The following BTG4 variants were observed in gnomAD, a reference collection of about 807,000 sequenced individuals.
BTG4 encodes the protein protein BTG4.
BTG4 carries 10 observed loss-of-function variants against 19.3 expected under a neutral mutation model. That is an observed-to-expected ratio of 0.52 (90% CI 0.32 to 0.88). The LOEUF (loss-of-function observed/expected upper bound fraction) is 0.88, where lower values mean the gene tolerates loss of function less well. Among genes scored for constraint, BTG4 ranks in the 40% least tolerant of loss-of-function variants. The probability of loss-of-function intolerance (pLI) is 0.04; values close to 1 mark genes in which losing one functional copy is unlikely to be tolerated. For synonymous variants in BTG4, 91 were observed against 95.7 expected, an observed-to-expected ratio of 0.95 and a Z score of 0.29; for missense variants, 238 against 281.9, an observed-to-expected ratio of 0.84 and a Z score of 1.11.
At chr11:111,499,619 A>G (rs1291770455) in intron 1 of BTG4, among the ~76,000 whole-genome samples, 2 of 152,222 alleles carry the variant, frequency 1.3e-5, no homozygotes, top group East Asian at 1.9e-4. Context: ...GTACATTCCA[A>G]TGATGTCATC....
chr11:111,437,007 GC>G, the BTG4 span, among the ~76,000 whole-genome samples: 2 of 152,198 alleles, frequency 1.3e-5, no homozygotes. Context: ...CAGGTGAACA[GC>G]CCTGTCTGCG....
At chr11:111,500,784 A>C (rs961648173) in intron 1 of BTG4, among the ~76,000 whole-genome samples, 1 of 152,008 alleles carries the variant, frequency 6.6e-6, no homozygotes, top group Admixed American at 6.6e-5. Context: ...TCCAGAACAC[A>C]ACCTCAGGTG....
chr11:111,386,617 C>A, the BTG4 span, among the ~76,000 whole-genome samples: 1 of 152,180 alleles, frequency 6.6e-6, no homozygotes, highest in South Asian at 2.1e-4. Flanking sequence ...CCTTGGAAGA[C>A]AGTTCATAGC....
intron 4 of BTG4, 69 bp from the exon 5 acceptor site, chr11:111,495,383 A>G: frequency 3.0e-6 from 4 of 1,345,736 alleles, no homozygotes; most frequent in Non-Finnish European, 4.2e-6. Flanking sequence ...CCATAATTCA[A>G]AAGTCAGGCA....
At chr11:111,479,331 CG>C (rs1179545800) in intron 5 of BTG4, among the ~76,000 whole-genome samples, 1 of 151,906 alleles carries the variant, frequency 6.6e-6, no homozygotes, top group Non-Finnish European at 1.5e-5. Context: ...AAGAATAAGC[CG>C]GGTGCAGTGA....
At chr11:111,386,150 T>C in the BTG4 span, 2 of 152,242 alleles carry the variant, frequency 1.3e-5, no homozygotes, top group African/African-American at 4.8e-5. Context: ...AAAGAACAAG[T>C]TGTCCTATTG....
chr11:111,460,568 A>G, the BTG4 span, among the ~76,000 whole-genome samples: 1 of 152,064 alleles, frequency 6.6e-6, no homozygotes, highest in African/African-American at 2.4e-5. Context: ...AGGGGAGGGC[A>G]TCTCAACACA....
At chr11:111,404,725 A>G in the BTG4 span, 3 of 454,396 alleles carry the variant, frequency 6.6e-6, no homozygotes, top group South Asian at 1.6e-5. Context: ...TTGTTTCCCT[A>G]GGAAGAAAGG....
At chr11:111,411,604 C>T in the BTG4 span, among the ~76,000 whole-genome samples, 1 of 152,292 alleles carries the variant, frequency 6.6e-6, no homozygotes, top group Non-Finnish European at 1.5e-5. Flanking sequence ...GTAATGTGCA[C>T]ACAAATCAAC....
chr11:111,410,919 C>T, the BTG4 span, among the ~76,000 whole-genome samples: 1 of 152,196 alleles, frequency 6.6e-6, no homozygotes, highest in Admixed American at 6.5e-5. Context: ...CTGCACCCAG[C>T]CTGTCAGAAA....
At chr11:111,458,068 G>A in the BTG4 span, 8 of 152,868 alleles carry the variant, frequency 5.2e-5, no homozygotes, top group East Asian at 1.4e-3. Context: ...CGTGCCAGGA[G>A]AGTCCAGAGT....
chr11:111,426,061 G>T, the BTG4 span, among the ~76,000 whole-genome samples: 12 of 152,186 alleles, frequency 7.9e-5, no homozygotes, highest in African/African-American at 2.6e-4. Flanking sequence ...AAACTGACCT[G>T]GGCTCTAGTG....
At chr11:111,431,031 C>G in the BTG4 span, among the ~76,000 whole-genome samples, 1 of 152,090 alleles carries the variant, frequency 6.6e-6, no homozygotes, top group Non-Finnish European at 1.5e-5. Flanking sequence ...ATTTTGTTCT[C>G]TTCTATGCCC....
chr11:111,497,237 C>G lies in BTG4; in HGVS notation c.484G>C (p.Val162Leu). 6.2e-7 allele frequency: 1 copy of G among 1,613,320 alleles called. No homozygotes were observed. The highest frequency in any genetic ancestry group is 8.5e-7 in the Non-Finnish European group (1 of 1,179,662). ...CSKEPRVIPK[V>L]SNPKSIYQVE... The stretch of plus-strand genomic sequence containing the variant: ...TGATAAATACTCTTCGGATTGCTGA[C>G]TTTAGGAATGACACGAGGTTCCTTG... Residue 162 changes from valine (V) to leucine (L), a missense_variant, in exon 4 of 5, where the codon GTC becomes CTC. Transcript: ENST00000692032.
chr11:111,420,034 GC>G, the BTG4 span, among the ~76,000 whole-genome samples: 2,485 of 152,314 alleles, frequency 0.016, 68 homozygotes, highest in African/African-American at 0.057. Context: ...TCCAGAAGTG[GC>G]TTGAGGTAAA....
chr11:111,389,117 A>G, the BTG4 span, among the ~76,000 whole-genome samples: 1 of 152,236 alleles, frequency 6.6e-6, no homozygotes, highest in Non-Finnish European at 1.5e-5. Flanking sequence ...AGGCAAGTCT[A>G]TTTGCATGCA....
At chr11:111,502,131 C>A (rs1866124608) in intron 1 of BTG4, among the ~76,000 whole-genome samples, 1 of 151,630 alleles carries the variant, frequency 6.6e-6, no homozygotes, top group Admixed American at 6.6e-5. Context: ...TATCCCTTAC[C>A]CCAGACATTT....
chr11:111,429,098 T>A, the BTG4 span, among the ~76,000 whole-genome samples: 1 of 152,226 alleles, frequency 6.6e-6, no homozygotes, highest in African/African-American at 2.4e-5. Flanking sequence ...AGTGTACAAG[T>A]GAGTGACTTC....
At chr11:111,444,999 A>G in the BTG4 span, among the ~76,000 whole-genome samples, 3 of 152,220 alleles carry the variant, frequency 2.0e-5, no homozygotes, top group African/African-American at 7.2e-5. Flanking sequence ...GCCTTAGAGG[A>G]CAAAGACAAT....
Sources: allele counts gnomAD v4.1 joint callset (sites outside exome capture counted in the v4.1 genomes callset), GRCh38; gene constraint gnomAD v4.1.1; transcripts MANE v1.5; gene names NCBI Gene and HGNC (gene_info 2026-07-23, HGNC 2026-07-21).